LINGO2: variants seen among roughly 807,000 people sequenced by gnomAD.
LINGO2 encodes the protein leucine rich repeat and Ig domain containing 2.
A neutral mutation model predicts 30.6 loss-of-function variants in LINGO2; 14 were observed. The observed-to-expected ratio is 0.46, with a 90% CI of 0.30 to 0.72. The LOEUF (loss-of-function observed/expected upper bound fraction) is 0.72, where lower values mean the gene tolerates loss of function less well. Ranked by LOEUF, LINGO2 falls within the 30% of genes least tolerant of loss-of-function variation. LINGO2 has a pLI of 0.07. For synonymous variants in LINGO2, 317 were observed against 288.5 expected (o/e 1.10, Z -1.00); for missense variants, 729 against 751.7 (o/e 0.97, Z 0.35).
At chr9:28,273,273 A>C (rs1823006354) in intron 4 of LINGO2, among the ~76,000 whole-genome samples, 1 of 152,206 alleles carries the variant, frequency 6.6e-6, no homozygotes, top group Non-Finnish European at 1.5e-5. Flanking sequence ...TCAATAAATA[A>C]AGTTACTTAT....
the LINGO2 span, among the ~76,000 whole-genome samples, chr9:29,085,281 TAAAAA>T: frequency 2.7e-4 from 21 of 77,046 alleles, no homozygotes; most frequent in East Asian, 1.2e-3. Flanking sequence ...CTATGGTAAG[TAAAAA>T]AAAAAAAAAA....
At chr9:27,963,966 A>G (rs973871532) in intron 5 of LINGO2, among the ~76,000 whole-genome samples, 2 of 152,260 alleles carry the variant, frequency 1.3e-5, no homozygotes, top group South Asian at 2.1e-4. Flanking sequence ...AGTTCTTTGA[A>G]GGACCCCAAG....
intron 5 of LINGO2, among the ~76,000 whole-genome samples, chr9:27,985,772 T>C (rs894485621): frequency 2.0e-5 from 3 of 150,800 alleles, no homozygotes; most frequent in Non-Finnish European, 4.4e-5. Flanking sequence ...TCCCAGGCCA[T>C]CCTGAATATC....
the LINGO2 span, among the ~76,000 whole-genome samples, chr9:28,806,202 C>T: frequency 6.6e-6 from 1 of 152,082 alleles, no homozygotes; most frequent in Non-Finnish European, 1.5e-5. Context: ...AAAATCTCCT[C>T]CATTTCTGAT....
At chr9:28,749,884 A>G in the LINGO2 span, among the ~76,000 whole-genome samples, 1 of 152,108 alleles carries the variant, frequency 6.6e-6, no homozygotes, top group Non-Finnish European at 1.5e-5. Context: ...TTGTGTTGCA[A>G]AGTGATTAGT....
chr9:28,228,064 C>G (rs1390173641), intron 4 of LINGO2, among the ~76,000 whole-genome samples: 2 of 151,892 alleles, frequency 1.3e-5, no homozygotes, highest in Non-Finnish European at 2.9e-5. Context: ...TAGTCATATC[C>G]TAATGATTCC....
At chr9:28,185,938 A>G (rs1176061504) in intron 4 of LINGO2, among the ~76,000 whole-genome samples, 1 of 152,192 alleles carries the variant, frequency 6.6e-6, no homozygotes, top group East Asian at 1.9e-4. Flanking sequence ...TTTAGGAAGC[A>G]TAAGTTTTCA....
intron 4 of LINGO2, among the ~76,000 whole-genome samples, chr9:28,047,366 G>T (rs746670953): frequency 4.2e-5 from 6 of 141,510 alleles, no homozygotes; most frequent in Non-Finnish European, 6.1e-5. Flanking sequence ...CTGTATGAAA[G>T]ATCTACTAAA....
At chr9:29,197,170 C>CT in the LINGO2 span, among the ~76,000 whole-genome samples, 1 of 152,060 alleles carries the variant, frequency 6.6e-6, no homozygotes, top group South Asian at 2.1e-4. Context: ...AAAGAGATTT[C>CT]TGGTGTTCAG....
chr9:29,186,300 G>C, the LINGO2 span, among the ~76,000 whole-genome samples: 3 of 146,498 alleles, frequency 2.0e-5, no homozygotes, highest in African/African-American at 7.3e-5. Flanking sequence ...GCTTGTCAAT[G>C]CTGCAATTTA....
chr9:28,679,610 A>G, the LINGO2 span, among the ~76,000 whole-genome samples: 3 of 152,108 alleles, frequency 2.0e-5, no homozygotes, highest in Non-Finnish European at 4.4e-5. Flanking sequence ...ATAACTTTAC[A>G]CTTGTGAAAC....
At chr9:28,632,915 A>G (rs1463032393) in intron 1 of LINGO2, among the ~76,000 whole-genome samples, 3 of 122,956 alleles carry the variant, frequency 2.4e-5, no homozygotes, top group Non-Finnish European at 5.0e-5. Flanking sequence ...GAGAGAGAGG[A>G]GTTGATTAGG....
chr9:28,075,876 T>A lies in LINGO2; in HGVS notation c.-86-63471A>T, dbSNP rs557549777. Among the ~76,000 whole-genome samples, 471 of 152,204 alleles carry A rather than the reference T, an allele frequency of 3.1e-3. 1 individual carries two copies. The highest frequency in any genetic ancestry group is 4.1e-3 in the Non-Finnish European group (280 of 67,918). On this transcript the variant is annotated intron_variant, in intron 4 of 5. Coordinates refer to ENST00000379992, the Ensembl canonical transcript of LINGO2. ...TGCTTTTCTCACTTTTTGTGTTTTC[T>A]AGTAGTTTATAATTTTAAGGTAGAA...
chr9:28,717,842 C>T, the LINGO2 span, among the ~76,000 whole-genome samples: 14 of 151,950 alleles, frequency 9.2e-5, no homozygotes, highest in African/African-American at 2.7e-4. Context: ...AAACCTACAC[C>T]TCAGTAACTC....
At chr9:28,771,452 GGTGTGTGTGTGTGTGTGTGT>G in the LINGO2 span, among the ~76,000 whole-genome samples, 59 of 120,354 alleles carry the variant, frequency 4.9e-4, no homozygotes, top group African/African-American at 1.6e-3. Context: ...TTTCCTATTT[GGTGTGTGTGTGTGTGTGTGT>G]GTGTGTGTGT....
At chr9:28,195,651 T>TA (rs1819986032) in intron 4 of LINGO2, among the ~76,000 whole-genome samples, 1 of 151,390 alleles carries the variant, frequency 6.6e-6, no homozygotes, top group South Asian at 2.1e-4. Flanking sequence ...CCAGAACAGA[T>TA]AAATTATAGC....
At chr9:28,451,723 T>C (rs1824654444) in intron 2 of LINGO2, among the ~76,000 whole-genome samples, 1 of 151,730 alleles carries the variant, frequency 6.6e-6, no homozygotes, top group Non-Finnish European at 1.5e-5. Context: ...TTGCCATCAG[T>C]CTGTATGAAT....
At chr9:29,008,653 T>C in the LINGO2 span, among the ~76,000 whole-genome samples, 2 of 152,344 alleles carry the variant, frequency 1.3e-5, no homozygotes, top group African/African-American at 4.8e-5. Flanking sequence ...ATTGTGGTTT[T>C]GATTTGCATT....
the LINGO2 span, among the ~76,000 whole-genome samples, chr9:28,932,852 A>G: frequency 0.11 from 17,196 of 151,936 alleles, 973 homozygotes; most frequent in South Asian, 0.15. Context: ...ACGCTTATAT[A>G]TAATTACAAT....
Sources: allele counts gnomAD v4.1 joint callset (sites outside exome capture counted in the v4.1 genomes callset), GRCh38; gene constraint gnomAD v4.1.1; transcripts MANE v1.5; gene names NCBI Gene and HGNC (gene_info 2026-07-23, HGNC 2026-07-21).